The following SH3GL3 variants were observed in gnomAD, a reference collection of about 807,000 sequenced individuals.
The protein encoded by SH3GL3 is endophilin-A3.
A neutral mutation model predicts 47.7 loss-of-function variants in SH3GL3; 33 were observed. The ratio of observed to expected loss-of-function variants is 0.69; its 90% CI spans 0.52 to 0.92. The LOEUF is 0.92. Among genes scored for constraint, SH3GL3 ranks in the 40% least tolerant of loss-of-function variants. The pLI is 0.00. For synonymous variants in SH3GL3, 155 were observed against 148.8 expected (o/e 1.04, Z -0.30); for missense variants, 363 against 417.8 (o/e 0.87, Z 1.14).
intron 1 of SH3GL3, among the ~76,000 whole-genome samples, chr15:83,543,761 A>T (rs2044274953): frequency 6.6e-6 from 1 of 152,210 alleles, no homozygotes; most frequent in South Asian, 2.1e-4. Context: ...GTACGTGTCT[A>T]GGAATTTATC....
intron 1 of SH3GL3, among the ~76,000 whole-genome samples, chr15:83,456,372 T>C: frequency 3.8e-5 from 1 of 26,050 alleles, no homozygotes; most frequent in East Asian, 2.0e-3. Flanking sequence ...GTTTACCTAA[T>C]CAAGCCTGGG....
chr15:83,553,672 A>G (rs1272903065), intron 1 of SH3GL3, among the ~76,000 whole-genome samples: 1 of 152,176 alleles, frequency 6.6e-6, no homozygotes, highest in African/African-American at 2.4e-5. Flanking sequence ...CATTATTGTA[A>G]TGATGTCTAA....
chr15:83,482,545 G>A (rs935557119), intron 1 of SH3GL3, among the ~76,000 whole-genome samples: 1 of 151,606 alleles, frequency 6.6e-6, no homozygotes, highest in African/African-American at 2.4e-5. Context: ...CCAGGCTGGA[G>A]TGCAATGGCG....
intron 1 of SH3GL3, among the ~76,000 whole-genome samples, chr15:83,516,324 C>T (rs1364967242): frequency 6.6e-6 from 1 of 152,172 alleles, no homozygotes; most frequent in Non-Finnish European, 1.5e-5. Flanking sequence ...TAGTTACATA[C>T]TCCTCTTTCC....
At chr15:83,502,737 A>T (rs1188459842) in intron 1 of SH3GL3, among the ~76,000 whole-genome samples, 1 of 152,102 alleles carries the variant, frequency 6.6e-6, no homozygotes, top group Admixed American at 6.5e-5. Context: ...TAAAAAATAC[A>T]TATATTTTGT....
chr15:83,506,490 A>G (rs2042509448), intron 1 of SH3GL3, among the ~76,000 whole-genome samples: 1 of 152,154 alleles, frequency 6.6e-6, no homozygotes, highest in South Asian at 2.1e-4. Flanking sequence ...CACATCTGAT[A>G]GGGCCTGCTC....
At chr15:83,478,646 G>C (rs563969376) in intron 1 of SH3GL3, among the ~76,000 whole-genome samples, 3 of 152,350 alleles carry the variant, frequency 2.0e-5, no homozygotes, top group African/African-American at 7.2e-5. Flanking sequence ...GTTGAGTTCA[G>C]AATCAGAGAG....
chr15:83,603,734 C>T (rs559048660), intron 8 of SH3GL3, among the ~76,000 whole-genome samples: 37 of 152,194 alleles, frequency 2.4e-4, no homozygotes, highest in African/African-American at 8.9e-4. Context: ...AACATCCAAC[C>T]TTCTGGCTTT....
chr15:83,572,839 C>G (rs2059576567), intron 5 of SH3GL3, 141 bp downstream of exon 5: 1 of 597,794 alleles, frequency 1.7e-6, no homozygotes, highest in Non-Finnish European at 2.9e-6. Flanking sequence ...TTCTATTTTC[C>G]TGGGCTCACT....
At chr15:83,511,938 A>G (rs1436100133) in intron 1 of SH3GL3, among the ~76,000 whole-genome samples, 1 of 152,164 alleles carries the variant, frequency 6.6e-6, no homozygotes, top group Non-Finnish European at 1.5e-5. Flanking sequence ...ACTTGGAACA[A>G]TACTGGACCT....
At chr15:83,471,784 A>G (rs1310860915) in intron 1 of SH3GL3, among the ~76,000 whole-genome samples, 1 of 151,978 alleles carries the variant, frequency 6.6e-6, no homozygotes, top group Non-Finnish European at 1.5e-5. Context: ...GTTTTTCTCT[A>G]TAGGTTAAGT....
intron 1 of SH3GL3, among the ~76,000 whole-genome samples, chr15:83,469,666 A>T (rs191345255): frequency 6.6e-6 from 1 of 152,272 alleles, no homozygotes; most frequent in East Asian, 1.9e-4. Flanking sequence ...CATTGTCATT[A>T]TAGAACACTT....
At chr15:83,574,728 A>C (rs139625692) in intron 5 of SH3GL3, among the ~76,000 whole-genome samples, 1 of 152,058 alleles carries the variant, frequency 6.6e-6, no homozygotes, top group Non-Finnish European at 1.5e-5. Context: ...CCTTCCCCAC[A>C]TGAACTCTGC....
chr15:83,465,755 G>A lies in SH3GL3; in HGVS notation c.45+18177G>A, dbSNP rs182073343. On this transcript the variant is annotated intron_variant, in intron 1 of 8. Transcript: ENST00000427482. Reference sequence around the variant, plus strand: ...CTATCACAAATATTTTAATATTTTCGATATTTTGATAATTGTTTTTCAATA... The same window carrying A: ...CTATCACAAATATTTTAATATTTTCAATATTTTGATAATTGTTTTTCAATA... Among the ~76,000 whole-genome samples the A allele has an allele frequency of 6.6e-4, 101 of 151,986 alleles. No individual in the cohort carries two copies. In the East Asian group the frequency reaches 0.018, roughly 27 times the overall value.
At chr15:83,544,719 A>AATAC (rs2044321817) in intron 1 of SH3GL3, among the ~76,000 whole-genome samples, 1 of 152,122 alleles carries the variant, frequency 6.6e-6, no homozygotes, top group Non-Finnish European at 1.5e-5. Context: ...ATGTTGATGA[A>AATAC]ATACTTCAGC....
chr15:83,560,146 A>G (rs1433144874), intron 2 of SH3GL3, among the ~76,000 whole-genome samples: 1 of 152,184 alleles, frequency 6.6e-6, no homozygotes, highest in Non-Finnish European at 1.5e-5. Context: ...GAGGGAGGAA[A>G]TGAAGCAAGG....
chr15:83,507,532 T>G (rs1393589333), intron 1 of SH3GL3, among the ~76,000 whole-genome samples: 1 of 151,534 alleles, frequency 6.6e-6, no homozygotes, highest in Non-Finnish European at 1.5e-5. Flanking sequence ...CTCCTGCCTC[T>G]GCCTCCCGAG....
chr15:83,626,073 C>T, the SH3GL3 span, among the ~76,000 whole-genome samples: 1 of 152,232 alleles, frequency 6.6e-6, no homozygotes, highest in Non-Finnish European at 1.5e-5. Flanking sequence ...CTCAGGTGAT[C>T]TGCCCGTGTT....
At chr15:83,561,921 T>C (rs1292410668) in intron 2 of SH3GL3, among the ~76,000 whole-genome samples, 1 of 152,032 alleles carries the variant, frequency 6.6e-6, no homozygotes, top group Non-Finnish European at 1.5e-5. Context: ...TCATACCAGG[T>C]TGACTTCACA....
Sources: allele counts gnomAD v4.1 joint callset (sites outside exome capture counted in the v4.1 genomes callset), GRCh38; gene constraint gnomAD v4.1.1; transcripts MANE v1.5; gene names NCBI Gene and HGNC (gene_info 2026-07-23, HGNC 2026-07-21).